SLC22A23: variants seen among roughly 807,000 people sequenced by gnomAD.
The protein encoded by SLC22A23 is ion transporter protein.
A neutral mutation model predicts 61.0 loss-of-function variants in SLC22A23; 26 were observed. That is an observed-to-expected ratio of 0.43 (90% CI 0.31 to 0.59). SLC22A23 has a LOEUF of 0.59. Ranked by LOEUF, SLC22A23 falls within the 20% of genes least tolerant of loss-of-function variation. The pLI is 0.11. For missense variants in SLC22A23, 796 were observed against 934.7 expected, an observed-to-expected ratio of 0.85 and a Z score of 1.94; for synonymous variants, 430 against 413.9, an observed-to-expected ratio of 1.04 and a Z score of -0.47.
chr6:3,406,492 G>C (rs1315601055), intron 3 of SLC22A23, among the ~76,000 whole-genome samples: 4 of 152,076 alleles, frequency 2.6e-5, no homozygotes, highest in Admixed American at 6.6e-5. Context: ...CTTGGTCCGT[G>C]CCCCTCGCCT....
At position 3,317,725 on chromosome 6, in the gene SLC22A23, T is replaced by A. The variant is rs1033146434; in HGVS notation, c.1082+6109A>T. ...AATCACCCAGCGCTTTGACGGCGTC[T>A]ACTTTCAGGTGAAAAACACTCACAA... On this transcript the variant is annotated intron_variant, in intron 4 of 9. Coordinates refer to ENST00000406686, the MANE Select transcript of SLC22A23 (RefSeq NM_015482.2). This position sits in a 1 kb window ranked among gnomAD's most constrained non-coding sequence, Gnocchi z 4.4. Among the ~76,000 whole-genome samples, 4 of 152,180 alleles carry A rather than the reference T, an allele frequency of 2.6e-5. No homozygotes were observed. Among genetic ancestry groups the A allele is most frequent in the Non-Finnish European group, 5.9e-5 (4 of 68,042 alleles).
intron 5 of SLC22A23, 115 bp from the exon 6 acceptor site, chr6:3,289,981 CTTTT>C (rs35568219): frequency 0.014 from 6,093 of 438,492 alleles, no homozygotes; most frequent in East Asian, 0.027. Context: ...GAGAGAGAAG[CTTTT>C]TTTTTTTTTT....
chr6:3,269,888 G>C lies in SLC22A23; in HGVS notation c.*3167C>G, dbSNP rs540339075. ...CTAGGAAGCGGTGGTGTCTGAGTGT[G>C]ATACTTCCCTTACGAGGTTTGTTTT... On this transcript the variant is annotated 3_prime_UTR_variant, in exon 10 of 10. Transcript: ENST00000406686. The C allele has an allele frequency of 2.0e-5, 3 of 152,930 alleles. No homozygotes were observed. Among genetic ancestry groups the C allele is most frequent in the East Asian group, 1.9e-4 (1 of 5,324 alleles). 9.5% of individuals were successfully genotyped at this position (152,930 alleles called of 1,614,324 possible).
In SLC22A23 at chr6:3,410,484, C is replaced by T; in HGVS notation, c.759-142G>A. On this transcript the variant is annotated intron_variant, in intron 2 of 9. Coordinates refer to ENST00000406686, the MANE Select transcript of SLC22A23 (RefSeq NM_015482.2). This position sits in a 1 kb window ranked among gnomAD's most constrained non-coding sequence, Gnocchi z 5.0. Reference sequence around the variant, plus strand: ...AGTCCTGTGCCATCTATACCCACTTCACTAGATCCTAGGCTACTATGGGTA... The same window carrying T: ...AGTCCTGTGCCATCTATACCCACTTTACTAGATCCTAGGCTACTATGGGTA... 3 of 798,394 alleles carry T rather than the reference C, an allele frequency of 3.8e-6. No homozygotes were observed. The highest frequency in any genetic ancestry group is 3.8e-6 in the Non-Finnish European group (2 of 530,062). 49.5% of individuals were successfully genotyped at this position (798,394 alleles called of 1,614,324 possible).
chr6:3,441,994 ACATGCAC>A (rs1771629817), intron 1 of SLC22A23, among the ~76,000 whole-genome samples: 1 of 152,320 alleles, frequency 6.6e-6, no homozygotes, highest in South Asian at 2.1e-4. Flanking sequence ...TCCCAGCCGC[ACATGCAC>A]CATAGCCAAG....
At chr6:3,290,088 A>G in intron 5 of SLC22A23, 1 of 579,468 alleles carries the variant, frequency 1.7e-6, no homozygotes, top group Admixed American at 3.0e-5. Flanking sequence ...CGGGTGCCTG[A>G]GAGGGCACCA....
chr6:3,370,412 C>T (rs1223256012), intron 3 of SLC22A23, among the ~76,000 whole-genome samples: 1 of 152,262 alleles, frequency 6.6e-6, no homozygotes, highest in East Asian at 1.9e-4. Context: ...TCACTTTGTA[C>T]GAAGCTTTCT....
intron 3 of SLC22A23, among the ~76,000 whole-genome samples, chr6:3,406,954 C>T (rs909021440): frequency 4.6e-5 from 7 of 152,092 alleles, no homozygotes; most frequent in Admixed American, 6.6e-5. Context: ...TCCACCCTTA[C>T]GGCAAGCCAT....
In SLC22A23 at chr6:3,270,946, G is replaced by A. The variant is rs1186303970; in HGVS notation, c.*2109C>T. 6.6e-6 allele frequency: 1 copy of A among 152,450 alleles called. No homozygotes were observed. Among genetic ancestry groups the A allele is most frequent in the East Asian group, 1.9e-4 (1 of 5,328 alleles). 9.4% of individuals were successfully genotyped at this position (152,450 alleles called of 1,614,324 possible). Reference sequence around the variant, plus strand: ...GTGGACTGCAGGGTGGCCTGGTGCTGAGGGTGATGGGTGCAGACGTACACC... The same window carrying A: ...GTGGACTGCAGGGTGGCCTGGTGCTAAGGGTGATGGGTGCAGACGTACACC... On this transcript the variant is annotated 3_prime_UTR_variant, in exon 10 of 10. Coordinates refer to ENST00000406686, the MANE Select transcript of SLC22A23 (RefSeq NM_015482.2).
rs199579734 is a variant in SLC22A23 at position 3,273,292 on chromosome 6, C to T, written c.1824G>A (p.Thr608=). Residue 608 remains threonine (T), a synonymous_variant, in exon 10 of 10, where the codon ACG becomes ACA. Transcript: ENST00000406686. ...GGAGGATGCAGATGATGCAGATGAG[C>T]GTGCAGCAGGCAAAGATGATGTGGT... ...FLHHIIFACC[T]LICIICILLL... is the part of the protein sequence containing the mutation. The T allele has an allele frequency of 1.4e-5, 23 of 1,613,960 alleles. 1 individual carries two copies. Among genetic ancestry groups the T allele is most frequent in the African/African-American group, 9.3e-5 (7 of 75,070 alleles).
chr6:3,279,514 A>C (rs1759235303), intron 9 of SLC22A23, among the ~76,000 whole-genome samples: 1 of 127,428 alleles, frequency 7.8e-6, no homozygotes, highest in African/African-American at 3.8e-5. Flanking sequence ...CGTCTCAAAA[A>C]AAAAAAAAAA....
At chr6:3,432,236 A>G (rs920321846) in intron 1 of SLC22A23, 8 of 985,434 alleles carry the variant, frequency 8.1e-6, no homozygotes, top group Middle Eastern at 5.2e-4. Context: ...CTTCACTGAG[A>G]GCCTGCGGCA....
chr6:3,456,126 C>T lies in SLC22A23; in HGVS notation c.434G>A (p.Arg145Gln), dbSNP rs778144367. The part of the protein sequence containing the change: ...TELAGVTTTG[R>Q]GGDMGNWTSL... ...GGTCCAGTTGCCCATGTCCCCGCCC[C>T]GGCCTGTGGTGGTGACCCCTGCCAG... Residue 145 changes from arginine to glutamine, a missense_variant, in exon 1 of 10, where the codon CGG (arginine) becomes CAG (glutamine). Physicochemically the swap from Arg to Gln is conservative, Grantham distance 43 (BLOSUM62 1). Transcript: ENST00000406686. This position sits in a 1 kb window ranked among gnomAD's most constrained non-coding sequence, Gnocchi z 7.1. 1.9e-6 allele frequency: 3 copies of T among 1,550,888 alleles called. No homozygotes were observed. Among genetic ancestry groups the T allele is most frequent in the East Asian group, 2.4e-5 (1 of 40,984 alleles).
chr6:3,391,491 C>G (rs1320152824), intron 3 of SLC22A23, among the ~76,000 whole-genome samples: 1 of 152,248 alleles, frequency 6.6e-6, no homozygotes, highest in East Asian at 1.9e-4. Flanking sequence ...TTCTGCAATA[C>G]TGCGGCACAG....
At position 3,309,137 on chromosome 6, in the gene SLC22A23, C is replaced by T. The variant is rs1762196635; in HGVS notation, c.1083-10919G>A. Among the ~76,000 whole-genome samples the T allele has an allele frequency of 6.6e-6, 1 of 151,600 alleles. No individual in the cohort carries two copies. Among genetic ancestry groups the T allele is most frequent in the Non-Finnish European group, 1.5e-5 (1 of 67,928 alleles). Reference sequence around the variant, plus strand: ...CAACATGGTGAAACCCCCATCTCTACTAAAAACGCAAAAATTAGCCAAGCA... The same window carrying T: ...CAACATGGTGAAACCCCCATCTCTATTAAAAACGCAAAAATTAGCCAAGCA... On this transcript the variant is annotated intron_variant, in intron 4 of 9. Transcript: ENST00000406686. This position sits in a 1 kb window ranked among gnomAD's most constrained non-coding sequence, Gnocchi z 4.7.
chr6:3,400,977 C>T (rs933295097), intron 3 of SLC22A23, among the ~76,000 whole-genome samples: 3 of 152,200 alleles, frequency 2.0e-5, no homozygotes, highest in African/African-American at 7.2e-5. Flanking sequence ...TAATAATGAA[C>T]ATCTAACACT....
In SLC22A23 at chr6:3,328,538, G is replaced by C. The variant is rs1763404801; in HGVS notation, c.914-4536C>G. 6.6e-6 allele frequency among the ~76,000 whole-genome samples: 1 copy of C among 152,154 alleles called. No individual in the cohort carries two copies. The highest frequency in any genetic ancestry group is 1.5e-5 in the Non-Finnish European group (1 of 68,030). ...AACAGGAACCCCGGTGCTGCCAGGAGAGAGCTGACTTTGAGCGAGGGGCTT... is the reference window on the plus strand; with the variant it reads ...AACAGGAACCCCGGTGCTGCCAGGACAGAGCTGACTTTGAGCGAGGGGCTT... On this transcript the variant is annotated intron_variant, in intron 3 of 9. Coordinates refer to ENST00000406686, the MANE Select transcript of SLC22A23 (RefSeq NM_015482.2). The surrounding 1 kb of genome is among the most constrained non-coding windows in gnomAD (Gnocchi z 5.0).
intron 5 of SLC22A23, chr6:3,291,316 CA>C (rs1170215588): frequency 6.6e-6 from 1 of 152,134 alleles, no homozygotes; most frequent in South Asian, 2.1e-4. Flanking sequence ...GTAGGAGGGT[CA>C]CAAAGCTCTT....
rs1390697923 is a variant in SLC22A23, at chr6:3,270,316, C to T, written c.*2739G>A. 2.0e-5 allele frequency: 3 copies of T among 152,476 alleles called. No homozygotes were observed. Among genetic ancestry groups the T allele is most frequent in the Non-Finnish European group, 2.9e-5 (2 of 68,112 alleles). 9.4% of individuals were successfully genotyped at this position (152,476 alleles called of 1,614,324 possible). A position where few individuals can be genotyped will look rare whatever the true frequency, so the allele number is the denominator to read the frequency against. ...GGGAAGTGGGCAGCCGTAGCAGCCT[C>T]CCCTGCTGAGCCCGGCGGGCCCAGA... On this transcript the variant is annotated 3_prime_UTR_variant, in exon 10 of 10. Transcript: ENST00000406686.
Sources: allele counts gnomAD v4.1 joint callset (sites outside exome capture counted in the v4.1 genomes callset), GRCh38; gene constraint gnomAD v4.1.1; non-coding constraint Gnocchi (gnomAD v3.1); transcripts MANE v1.5; gene names NCBI Gene and HGNC (gene_info 2026-07-23, HGNC 2026-07-21).